Variants in NAV2 observed in about 807,000 individuals in gnomAD.
NAV2 encodes the protein helicase, APC down-regulated 1.
In NAV2, 54 loss-of-function variants were observed where a neutral mutation model predicts 223.2. The observed-to-expected ratio is 0.24, with a 90% CI of 0.19 to 0.30. The LOEUF (loss-of-function observed/expected upper bound fraction) is 0.30, where lower values mean the gene tolerates loss of function less well. NAV2 is among the 10% of genes least tolerant of loss of function. NAV2 has a pLI of 1.00. For synonymous variants in NAV2, 1,279 were observed against 1,239.3 expected (o/e 1.03, Z -0.67); for missense variants, 2,806 against 3,147.5 (o/e 0.89, Z 2.60).
In NAV2 at chr11:19,933,280, T is replaced by A; in HGVS notation, c.1036T>A (p.Ser346Thr). The A allele has an allele frequency of 3.7e-6, 6 of 1,613,374 alleles. No homozygotes were observed. The highest frequency in any genetic ancestry group is 5.1e-6 in the Non-Finnish European group (6 of 1,179,700). Residue 346 changes from serine (S) to threonine (T), a missense_variant, in exon 7 of 38, where the codon TCG becomes ACG. By Grantham distance (58) the Ser-to-Thr change is moderately conservative. Transcript: ENST00000349880. This position sits in a 1 kb window ranked among gnomAD's most constrained non-coding sequence, Gnocchi z 4.3. ...CACCCCTACTAATTGCAGTACCTCC[T>A]CGGCCATCCCGCAGCCCGGTGCAGC... is the stretch of plus-strand genomic sequence containing the variant. ...SSTPTNCSTS[S>T]AIPQPGAATK... is the part of the protein sequence containing the mutation.
At chr11:20,011,589 G>A (rs1591651108) in intron 11 of NAV2, among the ~76,000 whole-genome samples, 6 of 152,204 alleles carry the variant, frequency 3.9e-5, no homozygotes, top group South Asian at 4.1e-4. Flanking sequence ...CTTAAGCAAC[G>A]TGTCCAAAGT....
chr11:20,097,265 A>G (rs1592133443), intron 30 of NAV2, among the ~76,000 whole-genome samples: 1 of 152,116 alleles, frequency 6.6e-6, no homozygotes, highest in African/African-American at 2.4e-5. Flanking sequence ...TCAAGACTTC[A>G]GCCGAACTTA....
intron 8 of NAV2, 127 bp downstream of exon 8, chr11:19,939,900 A>C: frequency 2.1e-6 from 1 of 486,708 alleles, no homozygotes; most frequent in South Asian, 3.7e-5. Context: ...TGAGCTAAAC[A>C]AACTTTCTTT....
At position 20,061,250 on chromosome 11, in the gene NAV2, A is replaced by G. The variant is rs1404721935; in HGVS notation, c.4832-1057A>G. On this transcript the variant is annotated intron_variant, in intron 19 of 37. Coordinates refer to ENST00000349880, the MANE Select transcript of NAV2 (RefSeq NM_145117.5). ...CCAGAATACCCAAGTCCTAGAAAAC[A>G]CTATATTGCAAAATTAGAACAAATA... 1.5e-4 allele frequency among the ~76,000 whole-genome samples: 23 copies of G among 152,282 alleles called. No homozygotes were observed. In the East Asian group the frequency reaches 4.4e-3, roughly 29 times the overall value.
chr11:19,482,484 C>A (rs533465228), intron 1 of NAV2, among the ~76,000 whole-genome samples: 1 of 152,110 alleles, frequency 6.6e-6, no homozygotes. Context: ...CGAGTCAAGC[C>A]GGGGCTGACT....
chr11:19,685,563 C>T (rs529228288), intron 1 of NAV2, among the ~76,000 whole-genome samples: 2 of 152,086 alleles, frequency 1.3e-5, no homozygotes, highest in South Asian at 4.2e-4. Flanking sequence ...CTTCATTCTG[C>T]AAAGATGAAT....
intron 1 of NAV2, among the ~76,000 whole-genome samples, chr11:19,444,977 T>C (rs1851531925): frequency 6.6e-6 from 1 of 152,088 alleles, no homozygotes; most frequent in South Asian, 2.1e-4. Flanking sequence ...AGAGTAAAAG[T>C]TCAATAAAAG....
rs765293269 is a variant in NAV2 at position 20,054,245 on chromosome 11, G to T, written c.4642+5G>T. 1.2e-6 allele frequency: 2 copies of T among 1,606,508 alleles called. No homozygotes were observed. The highest frequency in any genetic ancestry group is 1.7e-6 in the Non-Finnish European group (2 of 1,177,696). ...GATTCAACTTTTCCCAGCTTGGTGA[G>T]TAGCCACTTGTCATTACCTATGTTG... On this transcript the variant is annotated splice_donor_5th_base_variant and intron_variant, in intron 18 of 37. Transcript: ENST00000349880.
chr11:19,697,749 A>C (rs894634009), intron 1 of NAV2, among the ~76,000 whole-genome samples: 2 of 152,166 alleles, frequency 1.3e-5, no homozygotes, highest in Non-Finnish European at 2.9e-5. Context: ...ATTTCTACAC[A>C]ACAAAAAGTA....
chr11:19,404,314 A>G (rs1174020477), intron 1 of NAV2, among the ~76,000 whole-genome samples: 1 of 152,224 alleles, frequency 6.6e-6, no homozygotes. Context: ...GGTCACTCAG[A>G]TGAGAGAGGA....
At chr11:19,923,475 T>C (rs1437161578) in intron 6 of NAV2, among the ~76,000 whole-genome samples, 1 of 152,212 alleles carries the variant, frequency 6.6e-6, no homozygotes, top group African/African-American at 2.4e-5. Context: ...TTACTGTCTA[T>C]TTATATTGTT....
At chr11:19,980,263 A>C (rs2153447287) in intron 10 of NAV2, among the ~76,000 whole-genome samples, 1 of 152,278 alleles carries the variant, frequency 6.6e-6, no homozygotes, top group Non-Finnish European at 1.5e-5. Context: ...GCCTCCACCC[A>C]CCTATCATGG....
intron 20 of NAV2, among the ~76,000 whole-genome samples, chr11:20,066,396 T>C (rs1049135520): frequency 6.6e-6 from 1 of 152,206 alleles, no homozygotes; most frequent in African/African-American, 2.4e-5. Context: ...ATTTCTTAGA[T>C]AAGGAGGTTG....
chr11:20,087,498 A>G (rs2094431119), intron 26 of NAV2, among the ~76,000 whole-genome samples: 1 of 152,166 alleles, frequency 6.6e-6, no homozygotes, highest in African/African-American at 2.4e-5. Flanking sequence ...GGCTTAGGAA[A>G]TTCCCCAATC....
chr11:19,585,629 C>T (rs2045870790), intron 1 of NAV2, among the ~76,000 whole-genome samples: 1 of 152,170 alleles, frequency 6.6e-6, no homozygotes, highest in South Asian at 2.1e-4. Context: ...ATTTCTCCTT[C>T]ACTTATGAAG....
At chr11:19,445,864 A>G (rs952425726) in intron 1 of NAV2, among the ~76,000 whole-genome samples, 3 of 151,838 alleles carry the variant, frequency 2.0e-5, no homozygotes, top group South Asian at 2.1e-4. Flanking sequence ...AATCTTTCCA[A>G]TAGTTTACAA....
chr11:19,424,601 T>C (rs1358912288), intron 1 of NAV2, among the ~76,000 whole-genome samples: 1 of 152,204 alleles, frequency 6.6e-6, no homozygotes, highest in Non-Finnish European at 1.5e-5. Flanking sequence ...TAGGCTGGAA[T>C]GCAGTGGCGC....
chr11:19,645,414 CA>C (rs1341826923), intron 1 of NAV2, among the ~76,000 whole-genome samples: 1 of 152,138 alleles, frequency 6.6e-6, no homozygotes, highest in African/African-American at 2.4e-5. Context: ...TCCTTTTTAC[CA>C]TGTCAGATAA....
intron 5 of NAV2, 95 bp downstream of exon 5, chr11:19,880,222 T>C: frequency 2.1e-6 from 3 of 1,434,764 alleles, no homozygotes; most frequent in South Asian, 1.5e-5. Flanking sequence ...TTTTCATTTG[T>C]GCTTCTTCAA....
Sources: allele counts gnomAD v4.1 joint callset (sites outside exome capture counted in the v4.1 genomes callset), GRCh38; gene constraint gnomAD v4.1.1; non-coding constraint Gnocchi (gnomAD v3.1); transcripts MANE v1.5; gene names NCBI Gene and HGNC (gene_info 2026-07-23, HGNC 2026-07-21).